SPMIP1: variants seen among roughly 807,000 people sequenced by gnomAD.
SPMIP1 encodes protein SPMIP1.
the SPMIP1 span, among the ~76,000 whole-genome samples, chr7:128,867,545 C>T: frequency 1.3e-5 from 2 of 150,636 alleles, no homozygotes; most frequent in African/African-American, 4.9e-5. Context: ...GATGCAAATT[C>T]GGAGGTCATT....
At chr7:128,866,441 G>A in the SPMIP1 span, 77 of 1,534,660 alleles carry the variant, frequency 5.0e-5, no homozygotes, top group Non-Finnish European at 5.9e-5. Context: ...GACGCGTTAC[G>A]GCAGAACTTC....
chr7:128,871,345 C>T, the SPMIP1 span: 2 of 152,226 alleles, frequency 1.3e-5, no homozygotes, highest in Non-Finnish European at 2.9e-5. Flanking sequence ...CGGCCACTCC[C>T]ACTTTGCCCT....
At chr7:128,869,145 T>C in the SPMIP1 span, 1 of 365,112 alleles carries the variant, frequency 2.7e-6, no homozygotes. Flanking sequence ...GCCACACCCC[T>C]CCTTGCCCGC....
chr7:128,870,015 G>C, the SPMIP1 span: 1 of 152,210 alleles, frequency 6.6e-6, no homozygotes, highest in Non-Finnish European at 1.5e-5. Context: ...AGCCGCCGCC[G>C]GGCCGGGGGC....
the SPMIP1 span, chr7:128,866,713 G>T: frequency 1.3e-6 from 2 of 1,535,506 alleles, no homozygotes; most frequent in Non-Finnish European, 1.7e-6. Context: ...GCTGTATGAA[G>T]GCATCTCCCA....
chr7:128,870,654 G>A, the SPMIP1 span: 2 of 152,296 alleles, frequency 1.3e-5, no homozygotes, highest in Non-Finnish European at 2.9e-5. Context: ...AGGTCCCCCG[G>A]CCCAGGGGTC....
At chr7:128,868,560 C>T in the SPMIP1 span, 1 of 595,306 alleles carries the variant, frequency 1.7e-6, no homozygotes, top group South Asian at 2.5e-5. Context: ...CACAAAGTGG[C>T]TACTCCACTG....
At chr7:128,868,573 G>A in the SPMIP1 span, 6 of 702,564 alleles carry the variant, frequency 8.5e-6, no homozygotes, top group African/African-American at 3.6e-5. Context: ...CTCCACTGAC[G>A]GATTCCTAGG....
the SPMIP1 span, chr7:128,869,170 C>T: frequency 0.084 from 28,125 of 335,504 alleles, 2,464 homozygotes; most frequent in East Asian, 0.29. Flanking sequence ...CACCTGGCCC[C>T]GAGGGCCCGC....
At chr7:128,869,104 C>T in the SPMIP1 span, 35 of 393,718 alleles carry the variant, frequency 8.9e-5, no homozygotes, top group Non-Finnish European at 1.4e-4. Context: ...CTTGTCATTT[C>T]GGAGGCCAGG....
At chr7:128,867,598 G>T in the SPMIP1 span, among the ~76,000 whole-genome samples, 3 of 151,810 alleles carry the variant, frequency 2.0e-5, no homozygotes, top group Non-Finnish European at 2.9e-5. Context: ...TTTTGAAACA[G>T]TCTGACTCTG....
At chr7:128,867,313 G>A in the SPMIP1 span, among the ~76,000 whole-genome samples, 3 of 152,178 alleles carry the variant, frequency 2.0e-5, no homozygotes, top group South Asian at 2.1e-4. Flanking sequence ...GGGAAGACTC[G>A]GTGGAACTCA....
chr7:128,870,448 C>G, the SPMIP1 span: 1 of 152,332 alleles, frequency 6.6e-6, no homozygotes, highest in Non-Finnish European at 1.5e-5. Flanking sequence ...CTCTGAGGAG[C>G]ATCTTTGATC....
chr7:128,869,283 G>T, the SPMIP1 span: 4 of 169,858 alleles, frequency 2.4e-5, no homozygotes, highest in African/African-American at 9.5e-5. Flanking sequence ...GAGCGTCCGC[G>T]GCTCAGTGGG....
chr7:128,868,495 G>C, the SPMIP1 span, among the ~76,000 whole-genome samples: 124 of 152,332 alleles, frequency 8.1e-4, 3 homozygotes, highest in African/African-American at 2.7e-3. Context: ...CATCCAGCCA[G>C]CTCCCAGTAT....
the SPMIP1 span, chr7:128,866,801 C>T: frequency 6.5e-7 from 1 of 1,534,884 alleles, no homozygotes; most frequent in South Asian, 1.2e-5. Flanking sequence ...TTCCCCATCA[C>T]CACCAGCTTC....
At chr7:128,866,587 G>GAC in the SPMIP1 span, 1 of 1,508,506 alleles carries the variant, frequency 6.6e-7, no homozygotes, top group Non-Finnish European at 8.8e-7. Context: ...GCACCCCAAA[G>GAC]CCCCACTCTC....
At chr7:128,868,847 G>C in the SPMIP1 span, 1 of 1,005,158 alleles carries the variant, frequency 9.9e-7, no homozygotes, top group Non-Finnish European at 1.5e-6. Context: ...AAGCTGCTGT[G>C]TGTGTCTGTG....
chr7:128,866,445 G>A, the SPMIP1 span: 1 of 1,535,362 alleles, frequency 6.5e-7, no homozygotes, highest in Non-Finnish European at 8.7e-7. Flanking sequence ...CGTTACGGCA[G>A]AACTTCTGGA....
Sources: allele counts gnomAD v4.1 joint callset (sites outside exome capture counted in the v4.1 genomes callset), GRCh38; gene constraint gnomAD v4.1.1; transcripts MANE v1.5; gene names NCBI Gene and HGNC (gene_info 2026-07-23, HGNC 2026-07-21).